Variants in SLC35F3 observed in about 807,000 individuals in gnomAD.
SLC35F3 encodes the protein putative thiamine transporter SLC35F3.
A neutral mutation model predicts 49.9 loss-of-function variants in SLC35F3; 25 were observed. The observed-to-expected ratio is 0.50, with a 90% CI of 0.37 to 0.70. The LOEUF (loss-of-function observed/expected upper bound fraction) is 0.70. SLC35F3 is among the 30% of genes least tolerant of loss of function. The pLI is 0.00. For synonymous variants in SLC35F3, 275 were observed against 265.4 expected, an observed-to-expected ratio of 1.04 and a Z score of -0.35; for missense variants, 525 against 639.8, an observed-to-expected ratio of 0.82 and a Z score of 1.94.
At chr1:233,929,904 G>A (rs1662215147) in intron 2 of SLC35F3, among the ~76,000 whole-genome samples, 1 of 152,170 alleles carries the variant, frequency 6.6e-6, no homozygotes. Context: ...TGGGATCTTT[G>A]TGGAGAGTGA....
At chr1:233,968,162 T>C (rs1160569200) in intron 2 of SLC35F3, among the ~76,000 whole-genome samples, 1 of 152,166 alleles carries the variant, frequency 6.6e-6, no homozygotes, top group East Asian at 1.9e-4. Context: ...ATGGCATTTC[T>C]TAGCTTGTGG....
chr1:234,174,966 A>G lies in SLC35F3; in HGVS notation c.284-56451A>G, dbSNP rs141096663. ...AGAGTTCAGTCCTCCTGGGGACAGG[A>G]AGGGAGGTGGAAGGCGTCTTGTCAT... On this transcript the variant is annotated intron_variant, in intron 2 of 7. Coordinates refer to ENST00000366618, the MANE Select transcript of SLC35F3 (RefSeq NM_173508.4). Among the ~76,000 whole-genome samples the G allele has an allele frequency of 2.4e-3, 369 of 152,330 alleles. 2 individuals are homozygous for G. The highest frequency in any genetic ancestry group is 8.5e-3 in the African/African-American group (354 of 41,576).
At chr1:233,940,369 C>G (rs868577374) in intron 2 of SLC35F3, among the ~76,000 whole-genome samples, 1,820 of 146,942 alleles carry the variant, frequency 0.012, 26 homozygotes, top group African/African-American at 0.042. Context: ...CACACACACA[C>G]AGAGAGAGAG....
intron 4 of SLC35F3, 136 bp downstream of exon 4, chr1:234,309,456 A>C (rs1267297081): frequency 4.0e-6 from 3 of 753,284 alleles, no homozygotes; most frequent in Non-Finnish European, 6.4e-6. Flanking sequence ...GCAGCAGAAA[A>C]TGAGCCCAGC....
chr1:234,214,961 T>A lies in SLC35F3; in HGVS notation c.284-16456T>A, dbSNP rs755903422. Reference sequence around the variant, plus strand: ...TCCCCTTACCACACACACACTTGAGTTGCCTGGGTGTGGAGCTCTGTGCCT... The same window carrying A: ...TCCCCTTACCACACACACACTTGAGATGCCTGGGTGTGGAGCTCTGTGCCT... On this transcript the variant is annotated intron_variant, in intron 2 of 7. Transcript: ENST00000366618. This position sits in a 1 kb window ranked among gnomAD's most constrained non-coding sequence, Gnocchi z 8.0. The A allele has an allele frequency of 2.3e-4, 42 of 179,984 alleles. No individual in the cohort carries two copies. The highest frequency in any genetic ancestry group is 3.9e-4 in the Non-Finnish European group (34 of 86,912). 11.1% of individuals were successfully genotyped at this position (179,984 alleles called of 1,614,324 possible).
At chr1:234,244,771 A>T (rs10797534) in intron 3 of SLC35F3, among the ~76,000 whole-genome samples, 50,613 of 152,000 alleles carry the variant, frequency 0.33, 9,225 homozygotes, top group East Asian at 0.74. Context: ...ACAAGTTCCT[A>T]AAGCTCACTG....
At chr1:234,132,228 C>T (rs996264389) in intron 2 of SLC35F3, among the ~76,000 whole-genome samples, 2 of 152,210 alleles carry the variant, frequency 1.3e-5, no homozygotes, top group African/African-American at 4.8e-5. Context: ...AACATTTCCT[C>T]ATATTATATA....
Position 234,232,535 on chromosome 1 carries a change from A to G in SLC35F3, c.608+794A>G, listed in dbSNP as rs375938473. Among the ~76,000 whole-genome samples, 58 of 144,826 alleles carry G rather than the reference A, an allele frequency of 4.0e-4. 1 individual carries two copies. Among genetic ancestry groups the G allele is most frequent in the Non-Finnish European group, 5.9e-4 (39 of 65,838 alleles). ...AGGCCTAGTCAAAAAAAAAAAAAAA[A>G]AAAAAGAAAAAGAAAAAAAGAAACA... On this transcript the variant is annotated intron_variant, in intron 3 of 7. Transcript: ENST00000366618.
At chr1:234,268,149 C>T (rs569190677) in intron 3 of SLC35F3, among the ~76,000 whole-genome samples, 2 of 152,240 alleles carry the variant, frequency 1.3e-5, no homozygotes, top group Admixed American at 6.5e-5. Flanking sequence ...CGCCACTGCA[C>T]TCCAGCCTGG....
intron 2 of SLC35F3, among the ~76,000 whole-genome samples, chr1:234,114,048 C>T (rs1339553820): frequency 1.3e-5 from 2 of 152,146 alleles, no homozygotes; most frequent in Non-Finnish European, 2.9e-5. Context: ...TTGCCAGTTC[C>T]GCAGGGTAAG....
intron 2 of SLC35F3, among the ~76,000 whole-genome samples, chr1:234,004,977 A>G (rs1335009382): frequency 3.3e-5 from 5 of 152,246 alleles, no homozygotes; most frequent in Non-Finnish European, 7.3e-5. Context: ...CATTTATTTA[A>G]CAGAATTTTA....
At chr1:233,982,880 T>G (rs1308948668) in intron 2 of SLC35F3, among the ~76,000 whole-genome samples, 8 of 152,184 alleles carry the variant, frequency 5.3e-5, no homozygotes, top group Admixed American at 6.5e-5. Context: ...GAGGGAGAAC[T>G]GTGGGTGCTA....
At chr1:234,188,523 C>T (rs190762804) in intron 2 of SLC35F3, among the ~76,000 whole-genome samples, 5 of 152,284 alleles carry the variant, frequency 3.3e-5, no homozygotes, top group South Asian at 2.1e-4. Context: ...CACCCCCATT[C>T]CCCACAGCAG....
chr1:234,188,731 G>A (rs1455668697), intron 2 of SLC35F3, among the ~76,000 whole-genome samples: 1 of 152,148 alleles, frequency 6.6e-6, no homozygotes, highest in African/African-American at 2.4e-5. Flanking sequence ...CCTCCTGGCA[G>A]GAGGGCAACC....
At chr1:234,020,986 A>G (rs1452761357) in intron 2 of SLC35F3, among the ~76,000 whole-genome samples, 1 of 152,254 alleles carries the variant, frequency 6.6e-6, no homozygotes, top group Non-Finnish European at 1.5e-5. Flanking sequence ...AGAAGGCCGC[A>G]TAAAGGCATA....
At chr1:234,172,074 C>G (rs1181664678) in intron 2 of SLC35F3, among the ~76,000 whole-genome samples, 1 of 152,098 alleles carries the variant, frequency 6.6e-6, no homozygotes, top group African/African-American at 2.4e-5. Flanking sequence ...CCATTGCTTG[C>G]ATGGATTTCT....
chr1:233,984,821 C>T (rs1445929027), intron 2 of SLC35F3, among the ~76,000 whole-genome samples: 1 of 152,092 alleles, frequency 6.6e-6, no homozygotes, highest in Non-Finnish European at 1.5e-5. Flanking sequence ...AACCCAGGGA[C>T]ATATGTTAAG....
chr1:234,296,750 A>G (rs1668599335), intron 3 of SLC35F3, among the ~76,000 whole-genome samples: 1 of 152,212 alleles, frequency 6.6e-6, no homozygotes, highest in East Asian at 1.9e-4. Flanking sequence ...CTGGTCCCCA[A>G]AGAACAGATT....
intron 3 of SLC35F3, among the ~76,000 whole-genome samples, chr1:234,305,077 G>A (rs1657114653): frequency 6.6e-6 from 1 of 152,168 alleles, no homozygotes; most frequent in Non-Finnish European, 1.5e-5. Context: ...CAGCCACAAG[G>A]CCTTGTCTAG....
Sources: gnomAD v4.1 joint callset for allele counts (sites outside exome capture counted in the v4.1 genomes callset) on GRCh38, gnomAD v4.1.1 for gene constraint, Gnocchi (gnomAD v3.1) non-coding constraint, MANE v1.5 for transcripts, NCBI Gene and HGNC (gene_info 2026-07-23, HGNC 2026-07-21) for gene names.